PALM: variants seen among roughly 807,000 people sequenced by gnomAD.
PALM encodes the protein paralemmin-1.
PALM carries 18 observed loss-of-function variants against 30.7 expected under a neutral mutation model. The ratio of observed to expected loss-of-function variants is 0.59; its 90% CI spans 0.41 to 0.87. PALM has a LOEUF of 0.87. Among genes scored for constraint, PALM ranks in the 40% least tolerant of loss-of-function variants. The pLI, the probability that PALM is intolerant of heterozygous loss-of-function variation, is 0.00. For missense variants in PALM, 529 were observed against 555.4 expected, an observed-to-expected ratio of 0.95 and a Z score of 0.48; for synonymous variants, 286 against 242.8, an observed-to-expected ratio of 1.18 and a Z score of -1.66.
chr19:746,445 G>C lies in PALM; in HGVS notation c.795G>C (p.Arg265=). 1 of 1,609,636 alleles carries C rather than the reference G, an allele frequency of 6.2e-7. No homozygotes were observed. Among genetic ancestry groups the C allele is most frequent in the Non-Finnish European group, 8.5e-7 (1 of 1,178,026 alleles). Reference sequence around the variant, plus strand: ...GGGGGGCTGTGGAGGGGGCAGCCCGGACCACGCCCTCCCGGCGGGAGATCA... The same window carrying C: ...GGGGGGCTGTGGAGGGGGCAGCCCGCACCACGCCCTCCCGGCGGGAGATCA... ...ETRGAVEGAA[R]TTPSRREITG... Residue 265 remains arginine, a synonymous_variant, in exon 9 of 9, where the codon CGG becomes CGC. Coordinates refer to ENST00000338448, the MANE Select transcript of PALM (RefSeq NM_002579.3). This position sits in a 1 kb window ranked among gnomAD's most constrained non-coding sequence, Gnocchi z 7.1.
At chr19:722,090 TTG>T (rs1445307650) in intron 1 of PALM, among the ~76,000 whole-genome samples, 7 of 151,554 alleles carry the variant, frequency 4.6e-5, no homozygotes, top group African/African-American at 1.7e-4. Flanking sequence ...GGCTAATTTT[TTG>T]TGTTTTTAGT....
At chr19:710,454 C>G (rs2032036012) in intron 1 of PALM, among the ~76,000 whole-genome samples, 1 of 152,208 alleles carries the variant, frequency 6.6e-6, no homozygotes. Flanking sequence ...CTCGCCAGGC[C>G]CCGGAGGAGC....
At chr19:739,709 C>T (rs1232897623) in intron 7 of PALM, among the ~76,000 whole-genome samples, 6 of 152,060 alleles carry the variant, frequency 3.9e-5, no homozygotes, top group African/African-American at 1.4e-4. Flanking sequence ...GGCGCGGTGG[C>T]TCACGCCTGT....
rs765592797 is a variant in PALM at position 746,547 on chromosome 19, A to G, written c.897A>G (p.Thr299=). The change falls in exon 9 of 9, where the codon ACA becomes ACG. Residue 299 remains threonine, a synonymous_variant. Transcript: ENST00000338448. The surrounding 1 kb of genome is among the most constrained non-coding windows in gnomAD (Gnocchi z 7.1). ...AGCCCGGCCAGGAGCCCCCGGTCAC[A>G]ATGATCTTCATGGGTTACCAGAACG... ...GIQPGQEPPV[T]MIFMGYQNVE... is the part of the protein sequence containing the mutation. 5.6e-6 allele frequency: 9 copies of G among 1,613,026 alleles called. No individual in the cohort carries two copies. Among genetic ancestry groups the G allele is most frequent in the African/African-American group, 2.7e-5 (2 of 74,848 alleles).
intron 1 of PALM, among the ~76,000 whole-genome samples, chr19:712,303 C>T (rs1329872574): frequency 1.3e-5 from 2 of 151,982 alleles, no homozygotes; most frequent in East Asian, 1.9e-4. Flanking sequence ...GGATGAAAGG[C>T]GTGAGCCACG....
intron 1 of PALM, among the ~76,000 whole-genome samples, chr19:715,396 C>G (rs768392872): frequency 1.3e-5 from 2 of 152,236 alleles, no homozygotes; most frequent in Non-Finnish European, 2.9e-5. Context: ...TCACCATCCT[C>G]GTGCTGTGCG....
chr19:713,709 G>T (rs879359313), intron 1 of PALM, among the ~76,000 whole-genome samples: 2 of 151,952 alleles, frequency 1.3e-5, no homozygotes, highest in Non-Finnish European at 2.9e-5. Flanking sequence ...CTCCCAAGCC[G>T]CTGGGACTAC....
rs113034217 is a variant in PALM, at chr19:731,026, C to T, written c.270-69C>T. The T allele has an allele frequency of 1.4e-4, 141 of 1,017,126 alleles. 1 individual carries two copies. In the African/African-American group the frequency reaches 1.8e-3, roughly 13 times the overall value. 63.0% of individuals were successfully genotyped at this position (1,017,126 alleles called of 1,614,324 possible). A position where few individuals can be genotyped will look rare whatever the true frequency, so the allele number is the denominator to read the frequency against. On this transcript the variant is annotated intron_variant, in intron 4 of 8. Coordinates refer to ENST00000338448, the MANE Select transcript of PALM (RefSeq NM_002579.3). The stretch of plus-strand genomic sequence containing the variant: ...CAAAAAAAAGACACTGGGGAGCTGT[C>T]GTACAGAAGGTGCCCAGAGCCCCAC...
chr19:740,925 G>A (rs1249115335), intron 8 of PALM, among the ~76,000 whole-genome samples: 7 of 148,140 alleles, frequency 4.7e-5, no homozygotes, highest in African/African-American at 1.8e-4. Context: ...GAGCCCAGAA[G>A]TTTGAGACCA....
At chr19:736,391 C>T (rs1599161480) in intron 7 of PALM, among the ~76,000 whole-genome samples, 1 of 152,224 alleles carries the variant, frequency 6.6e-6, no homozygotes, top group South Asian at 2.1e-4. Flanking sequence ...CCTCCTGGGG[C>T]CCGCTGGGGG....
At chr19:727,833 C>G in intron 4 of PALM, 139 bp downstream of exon 4, 4 of 781,262 alleles carry the variant, frequency 5.1e-6, no homozygotes, top group Non-Finnish European at 8.1e-6. Flanking sequence ...ACCCAACATG[C>G]TTTGAGGGGG....
Position 746,727 on chromosome 19 carries a change from G to A in PALM, c.1077G>A (p.Glu359=), listed in dbSNP as rs755110237. ...EPPTEAASRE[E]NQAGPEATTS... ...CCACGGAGGCCGCCTCCAGGGAAGA[G>A]AATCAGGCGGGGCCCGAGGCCACCA... is the stretch of plus-strand genomic sequence containing the variant. The change falls in exon 9 of 9, where the codon GAG becomes GAA. Residue 359 remains glutamate (E), a synonymous_variant. Transcript: ENST00000338448. This position sits in a 1 kb window ranked among gnomAD's most constrained non-coding sequence, Gnocchi z 7.1. The A allele has an allele frequency of 4.6e-5, 74 of 1,604,802 alleles. No homozygotes were observed. The highest frequency in any genetic ancestry group is 6.3e-5 in the Non-Finnish European group (74 of 1,176,994).
intron 1 of PALM, among the ~76,000 whole-genome samples, chr19:724,711 G>A (rs983408472): frequency 1.3e-5 from 2 of 152,030 alleles, no homozygotes; most frequent in Non-Finnish European, 2.9e-5. Context: ...GGACCTCCCA[G>A]GCTCAAGCAG....
chr19:727,598 G>A lies in PALM; in HGVS notation c.173G>A (p.Gly58Glu). ...KALRERWLLE[G>E]TPSSASEGDE... ...CTGCGGGAGCGCTGGCTGCTGGAGGGGACGCCGTCCTCGGCCTCAGAGGGG... is the reference window on the plus strand; with the variant it reads ...CTGCGGGAGCGCTGGCTGCTGGAGGAGACGCCGTCCTCGGCCTCAGAGGGG... Residue 58 changes from glycine (G) to glutamate (E), a missense_variant, in exon 4 of 9, where the codon GGG becomes GAG. Gly to Glu is a moderately conservative substitution (Grantham distance 98, BLOSUM62 -2). Transcript: ENST00000338448. The A allele has an allele frequency of 6.3e-7, 1 of 1,586,940 alleles. No individual in the cohort carries two copies. The highest frequency in any genetic ancestry group is 8.6e-7 in the Non-Finnish European group (1 of 1,167,560).
intron 7 of PALM, 33 bp from the exon 8 acceptor site, chr19:740,318 AG>A: frequency 6.6e-7 from 1 of 1,526,150 alleles, no homozygotes; most frequent in Non-Finnish European, 8.8e-7. Flanking sequence ...GGGGGCGGGC[AG>A]GCCGTGGTGT....
chr19:723,588 G>GTTGTT (rs968170682), intron 1 of PALM, among the ~76,000 whole-genome samples: 31 of 152,004 alleles, frequency 2.0e-4, no homozygotes, highest in African/African-American at 7.0e-4. Flanking sequence ...TTTTCTTTTT[G>GTTGTT]TTGTTTTGTT....
At chr19:718,583 T>C (rs1215029464) in intron 1 of PALM, among the ~76,000 whole-genome samples, 1 of 152,140 alleles carries the variant, frequency 6.6e-6, no homozygotes, top group Non-Finnish European at 1.5e-5. Flanking sequence ...TTTGCTTCTC[T>C]GCATCTGTGG....
chr19:736,426 G>A (rs529734623), intron 7 of PALM, among the ~76,000 whole-genome samples: 3 of 152,298 alleles, frequency 2.0e-5, no homozygotes, highest in East Asian at 1.9e-4. Flanking sequence ...GAACATGCTC[G>A]CTGCAAATCT....
At chr19:711,519 C>A (rs2032079797) in intron 1 of PALM, among the ~76,000 whole-genome samples, 1 of 152,310 alleles carries the variant, frequency 6.6e-6, no homozygotes, top group South Asian at 2.1e-4. Flanking sequence ...CTTAACGCTC[C>A]TTCACACTTG....
Sources: allele counts gnomAD v4.1 joint callset (sites outside exome capture counted in the v4.1 genomes callset), GRCh38; gene constraint gnomAD v4.1.1; non-coding constraint Gnocchi (gnomAD v3.1); transcripts MANE v1.5; gene names NCBI Gene and HGNC (gene_info 2026-07-23, HGNC 2026-07-21).